The following ABCE1 variants were observed in gnomAD, a reference collection of about 807,000 sequenced individuals.
ABCE1 encodes the protein ATP-binding cassette sub-family E member 1.
A neutral mutation model predicts 83.4 loss-of-function variants in ABCE1; 22 were observed. The observed-to-expected ratio is 0.26, with a 90% CI of 0.19 to 0.38. The LOEUF is 0.38. ABCE1 is among the 10% of genes least tolerant of loss of function. ABCE1 has a pLI of 1.00. For missense variants in ABCE1, 330 were observed against 721.9 expected, an observed-to-expected ratio of 0.46 and a Z score of 6.22; for synonymous variants, 204 against 233.7, an observed-to-expected ratio of 0.87 and a Z score of 1.16.
chr4:145,119,850 T>G, intron 10 of ABCE1, 82 bp from the exon 11 acceptor site: 1 of 942,512 alleles, frequency 1.1e-6, no homozygotes, highest in Non-Finnish European at 1.6e-6. Context: ...ATTTAAAGTA[T>G]ATAGTCTATA....
chr4:145,104,207 C>G (rs902466299), intron 1 of ABCE1, among the ~76,000 whole-genome samples, 179 bp from the exon 2 acceptor site: 2 of 151,108 alleles, frequency 1.3e-5, no homozygotes, highest in Non-Finnish European at 2.9e-5. Context: ...TTTGATTTTC[C>G]CAACCTTACT....
At position 145,110,244 on chromosome 4, in the gene ABCE1, G is replaced by A. The variant is rs35207405; in HGVS notation, c.543+4G>A. On this transcript the variant is annotated splice_donor_region_variant and intron_variant, in intron 6 of 17. Coordinates refer to ENST00000296577, the MANE Select transcript of ABCE1 (RefSeq NM_002940.3). ...CCAGATTCCTAAGGCTGCAAAGGTC[G>A]GTTTTTGATAGAGGGAACTTAACGG... 7.2e-4 allele frequency: 1,155 copies of A among 1,597,196 alleles called. 6 individuals carry two copies. The African/African-American group carries it at 0.014, about 19-fold the overall frequency.
intron 5 of ABCE1, among the ~76,000 whole-genome samples, chr4:145,109,723 A>G (rs1449790748): frequency 2.0e-5 from 3 of 152,212 alleles, no homozygotes; most frequent in Non-Finnish European, 2.9e-5. Flanking sequence ...TAATTGTTCA[A>G]ATAAATCATA....
At chr4:145,112,035 T>C (rs1579214823) in intron 8 of ABCE1, among the ~76,000 whole-genome samples, 3 of 152,206 alleles carry the variant, frequency 2.0e-5, no homozygotes, top group African/African-American at 7.2e-5. Flanking sequence ...TGGTGTGTAA[T>C]CTTGCTTTCT....
intron 3 of ABCE1, among the ~76,000 whole-genome samples, chr4:145,105,907 A>C (rs1749290570): frequency 6.6e-6 from 1 of 151,992 alleles, no homozygotes; most frequent in Admixed American, 6.6e-5. Flanking sequence ...GCTGTACTCA[A>C]CTTTATAAAG....
Position 145,123,350 on chromosome 4 carries a change from G to C in ABCE1, c.1510G>C (p.Val504Leu). ...GCAAAGACTGATGGCAGCTCGAGTTGTCAAACGGTAAATATCTTGCTCCTA... is the reference window on the plus strand; with the variant it reads ...GCAAAGACTGATGGCAGCTCGAGTTCTCAAACGGTAAATATCTTGCTCCTA... ...SEQRLMAARV[V>L]KRFILHAKKT... The change falls in exon 15 of 18, where the codon GTC becomes CTC. Residue 504 changes from valine to leucine, a missense_variant. Val to Leu is a conservative substitution (Grantham distance 32). Coordinates refer to ENST00000296577, the MANE Select transcript of ABCE1 (RefSeq NM_002940.3). 24 of 1,604,618 alleles carry C rather than the reference G, an allele frequency of 1.5e-5. No individual in the cohort carries two copies. The highest frequency in any genetic ancestry group is 2.0e-5 in the Non-Finnish European group (24 of 1,175,186).
chr4:145,110,949 G>A lies in ABCE1; in HGVS notation c.614-19G>A, dbSNP rs367617956. 11 of 1,533,004 alleles carry A rather than the reference G, an allele frequency of 7.2e-6. No individual in the cohort carries two copies. The highest frequency in any genetic ancestry group is 1.8e-5 in the Admixed American group (1 of 55,366). The allele number at this position is 1,533,004 out of a possible 1,614,324, so 95.0% of individuals were successfully genotyped here. ...AGAGGTGAAATACATTGAGCACAAT[G>A]CCTCTATGTTCTTTGTAGATTTAAC... On this transcript the variant is annotated intron_variant, in intron 7 of 17. Coordinates refer to ENST00000296577, the MANE Select transcript of ABCE1 (RefSeq NM_002940.3).
At chr4:145,115,893 A>G (rs751782560) in intron 9 of ABCE1, among the ~76,000 whole-genome samples, 18 of 152,120 alleles carry the variant, frequency 1.2e-4, no homozygotes, top group Middle Eastern at 3.4e-3. Flanking sequence ...GCTAAAATGT[A>G]TTAAGAGTCT....
chr4:145,111,175 A>T lies in ABCE1; in HGVS notation c.710+111A>T. On this transcript the variant is annotated intron_variant, in intron 8 of 17. Transcript: ENST00000296577. ...GAGAAATTAATAGAAATAGTATCTA[A>T]GTTCCTAATTTCGAGGTAAGATGTT... 4.5e-6 allele frequency: 3 copies of T among 666,050 alleles called. No homozygotes were observed. The East Asian group carries it at 8.9e-5, about 20-fold the overall frequency. The allele number at this position is 666,050 out of a possible 1,614,324, so 41.3% of individuals were successfully genotyped here. A position where few individuals can be genotyped will look rare whatever the true frequency, so the allele number is the denominator to read the frequency against.
intron 2 of ABCE1, among the ~76,000 whole-genome samples, chr4:145,104,963 G>A (rs904723292): frequency 1.3e-5 from 2 of 152,020 alleles, no homozygotes; most frequent in African/African-American, 4.8e-5. Context: ...TTGAAGATTA[G>A]ATAAATTTCC....
At chr4:145,125,510 A>T (rs1221716736) in intron 17 of ABCE1, among the ~76,000 whole-genome samples, 2 of 152,136 alleles carry the variant, frequency 1.3e-5, no homozygotes, top group Non-Finnish European at 2.9e-5. Context: ...TTTTATTTTA[A>T]AATTCCTATG....
At chr4:145,100,764 T>C (rs1749127854) in intron 1 of ABCE1, among the ~76,000 whole-genome samples, 1 of 152,248 alleles carries the variant, frequency 6.6e-6, no homozygotes, top group African/African-American at 2.4e-5. Context: ...TTTTTCAGTA[T>C]GTAGTTTAGT....
At chr4:145,110,686 A>G (rs1445358062) in intron 7 of ABCE1, among the ~76,000 whole-genome samples, 1 of 152,094 alleles carries the variant, frequency 6.6e-6, no homozygotes, top group Non-Finnish European at 1.5e-5. Flanking sequence ...CATGTCAGTC[A>G]GGCTGGTCTC....
chr4:145,127,469 T>C (rs1749919853), intron 17 of ABCE1, 57 bp from the exon 18 acceptor site: 28 of 1,483,536 alleles, frequency 1.9e-5, no homozygotes, highest in Non-Finnish European at 2.5e-5. Flanking sequence ...GAAAGTCTAC[T>C]TTTACCTATA....
chr4:145,111,294 A>C (rs933278403), intron 8 of ABCE1, among the ~76,000 whole-genome samples: 1 of 152,216 alleles, frequency 6.6e-6, no homozygotes. Flanking sequence ...TAGGTGCCGG[A>C]ACTTTTTATA....
rs888630468 is a variant in ABCE1 at position 145,128,295 on chromosome 4, A to G, written c.*722A>G. 6.6e-6 allele frequency: 1 copy of G among 152,556 alleles called. No individual in the cohort carries two copies. The highest frequency in any genetic ancestry group is 1.5e-5 in the Non-Finnish European group (1 of 67,998). The allele number at this position is 152,556 out of a possible 1,614,324, so 9.5% of individuals were successfully genotyped here. A position where few individuals can be genotyped will look rare whatever the true frequency, so the allele number is the denominator to read the frequency against. ...TTCTGTATTCAGTCATTCTCTAGGT[A>G]ATGTCATTTTTGTACACATATATTT... On this transcript the variant is annotated 3_prime_UTR_variant, in exon 18 of 18. Transcript: ENST00000296577.
rs772996401 is a variant in ABCE1, at chr4:145,127,576, T to A, written c.*3T>A. The A allele has an allele frequency of 6.4e-6, 10 of 1,559,728 alleles. No individual in the cohort carries two copies. Among genetic ancestry groups the A allele is most frequent in the Middle Eastern group, 1.9e-4 (1 of 5,286 alleles). Reference sequence around the variant, plus strand: ...ACTACTTTTTCTTGGATGATTAGACTGACTCTGAGAATATTGATAAGCCAT... The same window carrying A: ...ACTACTTTTTCTTGGATGATTAGACAGACTCTGAGAATATTGATAAGCCAT... On this transcript the variant is annotated 3_prime_UTR_variant, in exon 18 of 18. Transcript: ENST00000296577.
chr4:145,122,061 A>T (rs954298407), intron 13 of ABCE1: 2 of 152,242 alleles, frequency 1.3e-5, no homozygotes, highest in African/African-American at 4.8e-5. Flanking sequence ...AAGAACTCTT[A>T]TAATTAAAAA....
chr4:145,116,605 A>G (rs998562639), intron 9 of ABCE1, among the ~76,000 whole-genome samples: 1 of 151,950 alleles, frequency 6.6e-6, no homozygotes, highest in Non-Finnish European at 1.5e-5. Context: ...AAATGGGAAT[A>G]AAGTGCTACA....
Sources: gnomAD v4.1 joint callset for allele counts (sites outside exome capture counted in the v4.1 genomes callset) on GRCh38, gnomAD v4.1.1 for gene constraint, MANE v1.5 for transcripts, NCBI Gene and HGNC (gene_info 2026-07-23, HGNC 2026-07-21) for gene names.